RARB: variants seen among roughly 807,000 people sequenced by gnomAD.
RARB encodes the protein retinoic acid receptor beta, also known as HBV-activated protein.
In RARB, 17 loss-of-function variants were observed where a neutral mutation model predicts 51.9. That is an observed-to-expected ratio of 0.33 (90% CI 0.22 to 0.49). The LOEUF is 0.49. Among genes scored for constraint, RARB ranks in the 20% least tolerant of loss-of-function variants. The probability of loss-of-function intolerance (pLI) is 0.99; values close to 1 mark genes in which losing one functional copy is unlikely to be tolerated. For synonymous variants in RARB, 215 were observed against 195.4 expected, an observed-to-expected ratio of 1.10 and a Z score of -0.84; for missense variants, 369 against 550.8, an observed-to-expected ratio of 0.67 and a Z score of 3.30.
chr3:25,461,492 C>G (rs2125555854), intron 2 of RARB, 151 bp downstream of exon 2: 1 of 912,962 alleles, frequency 1.1e-6, no homozygotes, highest in Middle Eastern at 2.8e-4. Context: ...TTTATTACTT[C>G]CTTATATATC....
chr3:25,154,710 C>T (rs1700346453), intron 4 of RARB, among the ~76,000 whole-genome samples: 1 of 152,224 alleles, frequency 6.6e-6, no homozygotes, highest in African/African-American at 2.4e-5. Context: ...TCTCTTACTA[C>T]TCCCCAGCTC....
At chr3:24,988,911 C>T (rs1340585326) in intron 2 of RARB, among the ~76,000 whole-genome samples, 7 of 152,132 alleles carry the variant, frequency 4.6e-5, no homozygotes, top group South Asian at 2.1e-4. Flanking sequence ...CTGCAACCTC[C>T]GCTTCCCAGG....
chr3:25,047,985 G>T (rs1393841942), intron 2 of RARB, among the ~76,000 whole-genome samples: 1 of 152,184 alleles, frequency 6.6e-6, no homozygotes, highest in African/African-American at 2.4e-5. Flanking sequence ...GAGATCTGAT[G>T]GTTTCATAAA....
In RARB at chr3:25,343,024, TTGTGTGTGTGTGTGTGTGTGTGTGTG is replaced by T. The variant is rs6147737; in HGVS notation, c.179-118145_179-118120del. ...TTCCTGTTTACATTTTGCAAGTACT[TTGTGTGTGTGTGTGTGTGTGTGTGTG>T]TGTGTGTGTGTGTGTGTGTGTGTAA... On this transcript the variant is annotated intron_variant, in intron 5 of 11. Transcript: ENST00000383772. 3.0e-5 allele frequency among the ~76,000 whole-genome samples: 4 copies of T among 132,156 alleles called. No homozygotes were observed. The South Asian group carries it at 7.8e-4, about 26-fold the overall frequency. 86.7% of individuals were successfully genotyped at this position (132,156 alleles called of 152,430 possible).
intron 2 of RARB, among the ~76,000 whole-genome samples, chr3:25,481,545 C>T (rs1475401762): frequency 2.0e-5 from 3 of 152,306 alleles, no homozygotes; most frequent in East Asian, 1.9e-4. Flanking sequence ...ATTGTTCCCT[C>T]GGTTAAGCAT....
At chr3:24,875,553 A>C (rs1703027732) in intron 2 of RARB, among the ~76,000 whole-genome samples, 1 of 152,136 alleles carries the variant, frequency 6.6e-6, no homozygotes, top group African/African-American at 2.4e-5. Context: ...GTCTAATGTA[A>C]GCAACTCCAA....
chr3:25,009,911 T>C (rs921151805), intron 2 of RARB, among the ~76,000 whole-genome samples: 1 of 152,086 alleles, frequency 6.6e-6, no homozygotes, highest in Non-Finnish European at 1.5e-5. Flanking sequence ...ATTTGAACCT[T>C]TAAGCAGTTC....
intron 3 of RARB, among the ~76,000 whole-genome samples, chr3:25,512,350 A>T (rs1235635088): frequency 6.6e-6 from 1 of 152,192 alleles, no homozygotes; most frequent in Non-Finnish European, 1.5e-5. Context: ...CCCACAAAGC[A>T]AGGTGATGGG....
intron 4 of RARB, among the ~76,000 whole-genome samples, chr3:25,151,914 T>C (rs932382000): frequency 9.4e-5 from 11 of 117,014 alleles, no homozygotes; most frequent in Non-Finnish European, 2.0e-4. Context: ...TCCCTTTTTA[T>C]AGATTTTTTT....
At chr3:25,198,206 A>C (rs533717627) in intron 5 of RARB, among the ~76,000 whole-genome samples, 1 of 152,240 alleles carries the variant, frequency 6.6e-6, no homozygotes, top group Admixed American at 6.6e-5. Flanking sequence ...GGTCCTGGGA[A>C]AACTGGATGT....
In RARB at chr3:24,935,854, G is replaced by A. The variant is rs9818570; in HGVS notation, c.-380+77102G>A. Among the ~76,000 whole-genome samples the A allele has an allele frequency of 4.2e-3, 639 of 152,248 alleles. 4 individuals are homozygous for A. The highest frequency in any genetic ancestry group is 0.015 in the African/African-American group (611 of 41,546). On this transcript the variant is annotated intron_variant, in intron 2 of 11. Coordinates refer to the RARB transcript ENST00000383772. Reference sequence around the variant, plus strand: ...GCTTATTTTTATTGCAGGCCTGTTGGCAGAGAGCTCTGTCCAATTGTTTAT... The same window carrying A: ...GCTTATTTTTATTGCAGGCCTGTTGACAGAGAGCTCTGTCCAATTGTTTAT...
chr3:25,135,495 C>G (rs548296896), intron 4 of RARB, among the ~76,000 whole-genome samples: 2 of 151,818 alleles, frequency 1.3e-5, no homozygotes, highest in Non-Finnish European at 2.9e-5. Context: ...GCAAATAGAC[C>G]ACGATTATGC....
intron 1 of RARB, among the ~76,000 whole-genome samples, chr3:25,435,020 A>G (rs902325515): frequency 2.0e-5 from 3 of 152,138 alleles, no homozygotes; most frequent in African/African-American, 7.2e-5. Flanking sequence ...TTTGCCTTCC[A>G]AAGTATCTGA....
At chr3:25,545,178 C>A (rs187682717) in intron 3 of RARB, among the ~76,000 whole-genome samples, 33 of 152,230 alleles carry the variant, frequency 2.2e-4, no homozygotes, top group African/African-American at 7.2e-4. Flanking sequence ...CTTCTGACCT[C>A]AAGTGATCCA....
intron 2 of RARB, among the ~76,000 whole-genome samples, chr3:24,874,695 T>C (rs1703009413): frequency 6.6e-6 from 1 of 152,068 alleles, no homozygotes; most frequent in Non-Finnish European, 1.5e-5. Flanking sequence ...CTTTTTTCTT[T>C]TTTTTCTGAG....
chr3:25,233,153 G>A (rs1379168384), intron 5 of RARB, among the ~76,000 whole-genome samples: 1 of 151,364 alleles, frequency 6.6e-6, no homozygotes, highest in Non-Finnish European at 1.5e-5. Flanking sequence ...TTTAGACAGG[G>A]TTTCACCATG....
At chr3:25,234,552 G>T (rs1432337370) in intron 5 of RARB, among the ~76,000 whole-genome samples, 1 of 151,078 alleles carries the variant, frequency 6.6e-6, no homozygotes, top group Non-Finnish European at 1.5e-5. Flanking sequence ...TCTTTCTTTG[G>T]GTCTATTCCA....
intron 2 of RARB, among the ~76,000 whole-genome samples, chr3:24,962,834 T>A (rs1355670357): frequency 2.6e-5 from 4 of 152,216 alleles, no homozygotes; most frequent in African/African-American, 7.2e-5. Flanking sequence ...CACACCCTTT[T>A]ATGCCCATTT....
rs554987992 is a variant in RARB, at chr3:25,545,331, A to T, written c.449-24427A>T. On this transcript the variant is annotated intron_variant, in intron 3 of 7. Coordinates refer to ENST00000330688, the MANE Select transcript of RARB (RefSeq NM_000965.5). ...TGATGGGCTCTACTGAACCACAAGG[A>T]AGCTCTCTGCTTTGTCTCCTTGCCT... 1.3e-4 allele frequency among the ~76,000 whole-genome samples: 20 copies of T among 152,176 alleles called. No homozygotes were observed. In the South Asian group the frequency reaches 2.1e-3, roughly 16 times the overall value.
Sources: gnomAD v4.1 joint callset for allele counts (sites outside exome capture counted in the v4.1 genomes callset) on GRCh38, gnomAD v4.1.1 for gene constraint, MANE v1.5 for transcripts, NCBI Gene and HGNC (gene_info 2026-07-23, HGNC 2026-07-21) for gene names.